The following CMSS1 variants were observed in gnomAD, a reference collection of about 807,000 sequenced individuals.
CMSS1 encodes cms1 ribosomal small subunit homolog.
A neutral mutation model predicts 43.5 loss-of-function variants in CMSS1; 33 were observed. The ratio of observed to expected loss-of-function variants is 0.76; its 90% CI spans 0.57 to 1.01. The LOEUF is 1.01. Ranked by LOEUF, CMSS1 falls within the 50% of genes least tolerant of loss-of-function variation. The pLI, the probability that CMSS1 is intolerant of heterozygous loss-of-function variation, is 0.00. For missense variants in CMSS1, 313 were observed against 326.4 expected (o/e 0.96, Z 0.32); for synonymous variants, 115 against 117.2 (o/e 0.98, Z 0.12).
chr3:99,943,174 A>G (rs190159619), intron 1 of CMSS1, among the ~76,000 whole-genome samples: 1 of 152,266 alleles, frequency 6.6e-6, no homozygotes, highest in Non-Finnish European at 1.5e-5. Flanking sequence ...AAACAAATCT[A>G]GTGAATCTAG....
intron 1 of CMSS1, among the ~76,000 whole-genome samples, chr3:100,072,957 A>G (rs1401798548): frequency 1.3e-5 from 2 of 152,224 alleles, no homozygotes; most frequent in African/African-American, 4.8e-5. Context: ...AATAATGATG[A>G]TAGCATATGT....
chr3:100,157,494 A>G (rs1441246379), intron 2 of CMSS1, among the ~76,000 whole-genome samples: 1 of 152,224 alleles, frequency 6.6e-6, no homozygotes, highest in Non-Finnish European at 1.5e-5. Context: ...GGGTTTGTCA[A>G]TTAGTGTATT....
chr3:99,841,593 A>G (rs1053770567), intron 1 of CMSS1, among the ~76,000 whole-genome samples: 1 of 152,192 alleles, frequency 6.6e-6, no homozygotes, highest in East Asian at 1.9e-4. Context: ...TTATATTTGT[A>G]TATTGTAGTT....
chr3:99,941,027 TC>T (rs1178668441), intron 1 of CMSS1, among the ~76,000 whole-genome samples: 1 of 152,262 alleles, frequency 6.6e-6, no homozygotes, highest in Non-Finnish European at 1.5e-5. Context: ...CCATTTATCT[TC>T]CTATAACTGG....
chr3:99,947,023 G>C (rs1429165487), intron 1 of CMSS1, among the ~76,000 whole-genome samples: 1 of 150,702 alleles, frequency 6.6e-6, no homozygotes, highest in African/African-American at 2.4e-5. Context: ...TGTAATCCCA[G>C]ATACTCGGGA....
intron 1 of CMSS1, among the ~76,000 whole-genome samples, chr3:100,088,957 C>G (rs1045865977): frequency 6.6e-6 from 1 of 152,084 alleles, no homozygotes; most frequent in Non-Finnish European, 1.5e-5. Context: ...AAGTAAGTCA[C>G]TGTTTGCATG....
intron 1 of CMSS1, among the ~76,000 whole-genome samples, chr3:99,939,328 C>T (rs1218373043): frequency 1.3e-5 from 2 of 152,212 alleles, no homozygotes; most frequent in East Asian, 3.8e-4. Context: ...TATCCTGGTT[C>T]TGCCTCCAGA....
intron 1 of CMSS1, among the ~76,000 whole-genome samples, chr3:100,092,136 A>G (rs568238745): frequency 6.0e-4 from 91 of 152,342 alleles, no homozygotes; most frequent in African/African-American, 2.1e-3. Context: ...ACTTCCTCAC[A>G]CATTTTTAAG....
At chr3:99,952,376 C>A (rs893029653) in intron 1 of CMSS1, among the ~76,000 whole-genome samples, 1 of 152,112 alleles carries the variant, frequency 6.6e-6, no homozygotes, top group Non-Finnish European at 1.5e-5. Context: ...GTTCTTCTGC[C>A]AGTCATTATG....
chr3:100,069,761 T>A (rs2065728957), intron 1 of CMSS1, among the ~76,000 whole-genome samples: 1 of 152,120 alleles, frequency 6.6e-6, no homozygotes, highest in Admixed American at 6.5e-5. Context: ...AATTTCAGAA[T>A]TTGTGGTAAG....
intron 1 of CMSS1, among the ~76,000 whole-genome samples, chr3:99,926,151 C>T (rs1419274219): frequency 6.6e-6 from 1 of 152,148 alleles, no homozygotes; most frequent in Admixed American, 6.5e-5. Flanking sequence ...ATGTACTTGA[C>T]TAGAAATGTA....
At chr3:100,100,065 A>G (rs1409834240) in intron 1 of CMSS1, among the ~76,000 whole-genome samples, 6 of 152,160 alleles carry the variant, frequency 3.9e-5, no homozygotes, top group Admixed American at 2.0e-4. Flanking sequence ...AGAACTGAGG[A>G]GTGGGCAAGT....
chr3:99,985,690 G>A (rs538811615), intron 1 of CMSS1, among the ~76,000 whole-genome samples: 2 of 151,916 alleles, frequency 1.3e-5, no homozygotes, highest in Admixed American at 6.6e-5. Flanking sequence ...CTGGGTTCAA[G>A]CAATTCTCCT....
chr3:100,115,141 G>A, intron 1 of CMSS1: 1 of 614,560 alleles, frequency 1.6e-6, no homozygotes, highest in Non-Finnish European at 2.9e-6. Flanking sequence ...TTGGATAGAA[G>A]GGAGGAGTTT....
At chr3:100,002,406 T>C (rs1709868557) in intron 1 of CMSS1, among the ~76,000 whole-genome samples, 1 of 152,138 alleles carries the variant, frequency 6.6e-6, no homozygotes, top group Non-Finnish European at 1.5e-5. Context: ...GACTGGAGTA[T>C]CTCTATAATC....
At chr3:99,831,391 T>C (rs1027137507) in intron 1 of CMSS1, among the ~76,000 whole-genome samples, 1 of 152,258 alleles carries the variant, frequency 6.6e-6, no homozygotes, top group Non-Finnish European at 1.5e-5. Context: ...CAGGTACTTT[T>C]GATTTTTCTT....
At chr3:100,102,464 C>T (rs971758552) in intron 1 of CMSS1, among the ~76,000 whole-genome samples, 8 of 152,122 alleles carry the variant, frequency 5.3e-5, no homozygotes, top group African/African-American at 1.2e-4. Flanking sequence ...TCCTCATCAG[C>T]GTGATTTCTG....
intron 1 of CMSS1, among the ~76,000 whole-genome samples, chr3:99,828,787 C>T (rs1376813743): frequency 6.6e-6 from 1 of 152,004 alleles, no homozygotes; most frequent in East Asian, 1.9e-4. Context: ...TCCCCTTCTA[C>T]TATTCTCTTC....
intron 1 of CMSS1, among the ~76,000 whole-genome samples, chr3:99,932,989 A>C (rs192222026): frequency 5.7e-4 from 87 of 152,304 alleles, no homozygotes; most frequent in African/African-American, 1.8e-3. Flanking sequence ...AGCATTTTCC[A>C]TGTATTAGCT....
Sources: allele counts gnomAD v4.1 joint callset (sites outside exome capture counted in the v4.1 genomes callset), GRCh38; gene constraint gnomAD v4.1.1; transcripts MANE v1.5; gene names NCBI Gene and HGNC (gene_info 2026-07-23, HGNC 2026-07-21).